Variants in ZNF138 observed in about 807,000 individuals in gnomAD.
ZNF138 encodes zinc finger protein 138.
In ZNF138, 33 loss-of-function variants were observed where a neutral mutation model predicts 33.0. The observed-to-expected ratio is 1.00, with a 90% CI of 0.76 to 1.34. The LOEUF (loss-of-function observed/expected upper bound fraction) is 1.34, where lower values mean the gene tolerates loss of function less well. Among genes scored for constraint, ZNF138 ranks in the 40% most tolerant of loss-of-function variants. The pLI, the probability that ZNF138 is intolerant of heterozygous loss-of-function variation, is 0.00. For missense variants in ZNF138, 360 were observed against 370.8 expected, an observed-to-expected ratio of 0.97 and a Z score of 0.24; for synonymous variants, 139 against 120.4, an observed-to-expected ratio of 1.15 and a Z score of -1.01.
At chr7:64,801,434 G>A (rs1787132512) in intron 1 of ZNF138, among the ~76,000 whole-genome samples, 1 of 152,084 alleles carries the variant, frequency 6.6e-6, no homozygotes, top group Non-Finnish European at 1.5e-5. Context: ...AGTTATTCAG[G>A]TACAGGTTGT....
rs1172288349 is a variant in ZNF138, at chr7:64,832,589, T to C, written c.*387T>C. 16 of 520,026 alleles carry C rather than the reference T, an allele frequency of 3.1e-5. No individual in the cohort carries two copies. The highest frequency in any genetic ancestry group is 2.1e-4 in the South Asian group (13 of 60,490). 32.2% of individuals were successfully genotyped at this position (520,026 alleles called of 1,614,324 possible). A position where few individuals can be genotyped will look rare whatever the true frequency, so the allele number is the denominator to read the frequency against. On this transcript the variant is annotated 3_prime_UTR_variant, in exon 4 of 4. Coordinates refer to ENST00000307355, the MANE Select transcript of ZNF138 (RefSeq NM_001271639.2). ...ACAGTGGAGAAAAACCCTACAAATG[T>C]GAAGAATGTGGCAAAGCTTTTAACC...
chr7:64,809,863 G>T (rs1371182734), intron 1 of ZNF138, among the ~76,000 whole-genome samples: 1 of 112,172 alleles, frequency 8.9e-6, no homozygotes, highest in Admixed American at 8.9e-5. Flanking sequence ...GACGATAGGC[G>T]GCCGGGCAGA....
At chr7:64,800,966 C>A (rs1203325254) in intron 1 of ZNF138, among the ~76,000 whole-genome samples, 3 of 152,070 alleles carry the variant, frequency 2.0e-5, no homozygotes, top group African/African-American at 7.2e-5. Context: ...AGTTTGTGTG[C>A]ATGGAAGTGT....
chr7:64,854,514 T>A, the ZNF138 span, among the ~76,000 whole-genome samples: 1 of 152,212 alleles, frequency 6.6e-6, no homozygotes, highest in Non-Finnish European at 1.5e-5. Flanking sequence ...GTGCTGGGAT[T>A]ATAGGCGTGA....
At chr7:64,823,371 T>C (rs542384444) in intron 3 of ZNF138, among the ~76,000 whole-genome samples, 1 of 152,164 alleles carries the variant, frequency 6.6e-6, no homozygotes, top group South Asian at 2.1e-4. Context: ...GATCTTACTA[T>C]GTCACCCAGG....
intron 3 of ZNF138, among the ~76,000 whole-genome samples, chr7:64,828,380 AT>A (rs1298296347): frequency 6.6e-6 from 1 of 152,064 alleles, no homozygotes; most frequent in African/African-American, 2.4e-5. Flanking sequence ...TTCAAACACT[AT>A]TTTGTTTCCT....
At chr7:64,837,706 C>T (rs545857204), downstream of ZNF138, among the ~76,000 whole-genome samples, 6 of 152,290 alleles carry the variant, frequency 3.9e-5, no homozygotes, top group East Asian at 1.9e-4. Context: ...TTCCAGTTAA[C>T]GTCAAGTGTG....
intron 3 of ZNF138, among the ~76,000 whole-genome samples, chr7:64,819,359 ATT>A (rs56762783): frequency 0.08 from 11,410 of 142,260 alleles, 1,350 homozygotes; most frequent in African/African-American, 0.27. Flanking sequence ...TTTCAGGGTA[ATT>A]TTTTTTTTTT....
chr7:64,837,603 G>A (rs747152449), downstream of ZNF138, among the ~76,000 whole-genome samples: 10 of 152,148 alleles, frequency 6.6e-5, no homozygotes, highest in African/African-American at 9.7e-5. Flanking sequence ...AGATTGGCGC[G>A]TCTCGAGAGC....
At chr7:64,828,461 C>G (rs1789821600) in intron 3 of ZNF138, among the ~76,000 whole-genome samples, 1 of 151,966 alleles carries the variant, frequency 6.6e-6, no homozygotes, top group South Asian at 2.1e-4. Flanking sequence ...TTTCATTTTG[C>G]ATGTTATGAA....
intron 3 of ZNF138, among the ~76,000 whole-genome samples, chr7:64,822,904 A>G (rs1789283963): frequency 6.6e-6 from 1 of 151,660 alleles, no homozygotes; most frequent in Non-Finnish European, 1.5e-5. Flanking sequence ...TTTTGAGACA[A>G]AGTTTCACTC....
chr7:64,806,500 A>G (rs970681444), intron 1 of ZNF138, among the ~76,000 whole-genome samples: 7 of 152,166 alleles, frequency 4.6e-5, no homozygotes, highest in South Asian at 2.1e-4. Context: ...TGTACAGATG[A>G]CACCTGCTGC....
At chr7:64,813,636 G>A (rs1583832058) in intron 1 of ZNF138, among the ~76,000 whole-genome samples, 2 of 151,984 alleles carry the variant, frequency 1.3e-5, no homozygotes. Flanking sequence ...GGGTTTCACT[G>A]TGTTAGCCAG....
chr7:64,825,363 G>A (rs1482243044), intron 3 of ZNF138, among the ~76,000 whole-genome samples: 4 of 150,540 alleles, frequency 2.7e-5, no homozygotes, highest in South Asian at 2.1e-4. Flanking sequence ...TAGTAGAGAC[G>A]GAGTCTCACC....
intron 3 of ZNF138, among the ~76,000 whole-genome samples, 185 bp from the exon 4 acceptor site, chr7:64,831,266 T>C (rs961316110): frequency 1.3e-5 from 2 of 152,218 alleles, no homozygotes; most frequent in African/African-American, 4.8e-5. Context: ...AACTCATTTA[T>C]TCTCCACAGA....
the ZNF138 span, chr7:64,852,585 A>G: frequency 2.6e-6 from 4 of 1,541,292 alleles, no homozygotes; most frequent in Non-Finnish European, 1.8e-6. Flanking sequence ...GTTTGCTCAC[A>G]TGGTAAACAG....
intron 1 of ZNF138, among the ~76,000 whole-genome samples, chr7:64,796,269 A>G (rs888767346): frequency 1.3e-5 from 2 of 152,342 alleles, no homozygotes; most frequent in African/African-American, 4.8e-5. Flanking sequence ...TCACTGAGGC[A>G]TAGTGCAGCG....
intron 1 of ZNF138, 94 bp from the exon 2 acceptor site, chr7:64,814,824 C>T: frequency 6.6e-7 from 1 of 1,506,576 alleles, no homozygotes. Flanking sequence ...ATCAGTTTTC[C>T]TTACTGTCTT....
the ZNF138 span, among the ~76,000 whole-genome samples, chr7:64,840,556 C>T: frequency 6.6e-6 from 1 of 152,092 alleles, no homozygotes; most frequent in Non-Finnish European, 1.5e-5. Context: ...TCCATCAACT[C>T]TAGCATTTAT....
Sources: gnomAD v4.1 joint callset for allele counts (sites outside exome capture counted in the v4.1 genomes callset) on GRCh38, gnomAD v4.1.1 for gene constraint, MANE v1.5 for transcripts, NCBI Gene and HGNC (gene_info 2026-07-23, HGNC 2026-07-21) for gene names.